The following TSPAN33 variants were observed in gnomAD, a reference collection of about 807,000 sequenced individuals.
TSPAN33 encodes tetraspanin 33.
In TSPAN33, 27 loss-of-function variants were observed where a neutral mutation model predicts 34.8. The ratio of observed to expected loss-of-function variants is 0.78; its 90% CI spans 0.57 to 1.07. The LOEUF is 1.07. TSPAN33 is among the 50% of genes least tolerant of loss of function. The pLI, the probability that TSPAN33 is intolerant of heterozygous loss-of-function variation, is 0.00. For synonymous variants in TSPAN33, 119 were observed against 124.2 expected (o/e 0.96, Z 0.28); for missense variants, 272 against 324.9 (o/e 0.84, Z 1.25).
intron 1 of TSPAN33, among the ~76,000 whole-genome samples, chr7:129,147,490 A>T (rs1236439991): frequency 2.6e-5 from 4 of 152,182 alleles, no homozygotes; most frequent in Non-Finnish European, 4.4e-5. Context: ...TTCATACAAG[A>T]GCAGCTGGAG....
intron 1 of TSPAN33, 45 bp downstream of exon 1, chr7:129,145,127 C>A (rs1810501227): frequency 3.1e-6 from 2 of 643,860 alleles, no homozygotes; most frequent in African/African-American, 1.9e-5. Flanking sequence ...GGTCCCCCCG[C>A]GGGGTGGAAG....
At chr7:129,160,302 G>A (rs1002676612) in intron 1 of TSPAN33, among the ~76,000 whole-genome samples, 2 of 152,182 alleles carry the variant, frequency 1.3e-5, no homozygotes, top group African/African-American at 4.8e-5. Context: ...TTGCAGGACA[G>A]TGGTGTCTAG....
In TSPAN33 at chr7:129,167,512, C is replaced by T; in HGVS notation, c.702C>T (p.Ser234=). The T allele has an allele frequency of 6.2e-7, 1 of 1,614,216 alleles. No individual in the cohort carries two copies. Among genetic ancestry groups the T allele is most frequent in the Non-Finnish European group, 8.5e-7 (1 of 1,180,034 alleles). ...ACAAGTTGGTCAACTGGATACACAG[C>T]AACCTATTCTTACTTGGTGGTGTGG... The part of the protein sequence containing the change: ...CIDKLVNWIH[S]NLFLLGGVAL... The change falls in exon 7 of 8, where the codon AGC becomes AGT. Residue 234 remains serine (S), a synonymous_variant. Transcript: ENST00000486685. The surrounding 1 kb of genome is among the most constrained non-coding windows in gnomAD (Gnocchi z 4.6).
chr7:129,161,564 T>C, intron 1 of TSPAN33, 115 bp from the exon 2 acceptor site: 1 of 955,260 alleles, frequency 1.0e-6, no homozygotes, highest in Admixed American at 1.9e-5. Context: ...TGAAAGATGC[T>C]CACCTTTGGG....
At chr7:129,162,986 T>A in intron 4 of TSPAN33, 79 bp downstream of exon 4, 1 of 1,380,570 alleles carries the variant, frequency 7.2e-7, no homozygotes. Context: ...TTTAGCCTGG[T>A]TAATTAACCA....
In TSPAN33 at chr7:129,167,427, G is replaced by T. The variant is rs540370074; in HGVS notation, c.617G>T (p.Gly206Val). ...QAVINTMCGQ[G>V]MQAFDYLEAS... ...GTGATCAACACTATGTGTGGCCAAG[G>T]TATGCAGGCCTTTGACTACTTGGAA... Residue 206 changes from glycine to valine, a missense_variant, in exon 7 of 8, where the codon GGT becomes GTT. Physicochemically the swap from Gly to Val is moderately radical, Grantham distance 109. Coordinates refer to ENST00000486685, the MANE Select transcript of TSPAN33 (RefSeq NM_178562.5). This position sits in a 1 kb window ranked among gnomAD's most constrained non-coding sequence, Gnocchi z 4.6. 1 of 1,614,102 alleles carries T rather than the reference G, an allele frequency of 6.2e-7. No individual in the cohort carries two copies. The highest frequency in any genetic ancestry group is 1.3e-5 in the African/African-American group (1 of 75,044).
In TSPAN33 at chr7:129,161,742, C is replaced by T. The variant is rs765305189; in HGVS notation, c.160+6C>T. 6.2e-7 allele frequency: 1 copy of T among 1,614,090 alleles called. No individual in the cohort carries two copies. Among genetic ancestry groups the T allele is most frequent in the East Asian group, 2.2e-5 (1 of 44,878 alleles). ...TCGGCTAATGAAGCATGCAGGTGAG[C>T]TGTAGCTCTCCCTCCCTGCCCCCAC... On this transcript the variant is annotated splice_donor_region_variant and intron_variant, in intron 2 of 7. Coordinates refer to ENST00000486685, the MANE Select transcript of TSPAN33 (RefSeq NM_178562.5).
chr7:129,149,803 C>T (rs1183052586), intron 1 of TSPAN33, among the ~76,000 whole-genome samples: 1 of 152,210 alleles, frequency 6.6e-6, no homozygotes, highest in Non-Finnish European at 1.5e-5. Flanking sequence ...GACAGTGTCC[C>T]CCAATCCAGA....
chr7:129,147,290 A>G (rs1047629442), intron 1 of TSPAN33, among the ~76,000 whole-genome samples: 15 of 152,164 alleles, frequency 9.9e-5, no homozygotes, highest in African/African-American at 3.1e-4. Flanking sequence ...CTAAAGGAGA[A>G]ACAATTTCTG....
rs111252849 is a variant in TSPAN33 at position 129,161,652 on chromosome 7, G to A, written c.103-27G>A. The A allele has an allele frequency of 5.6e-6, 9 of 1,612,768 alleles. No homozygotes were observed. In the African/African-American group the frequency reaches 9.3e-5, roughly 17 times the overall value. ...GGCTCTCTGGTTTCCAGAATCTCAG[G>A]GTCTGGCTCTTTTCCTGTCTCCACA... On this transcript the variant is annotated intron_variant, in intron 1 of 7. Coordinates refer to ENST00000486685, the MANE Select transcript of TSPAN33 (RefSeq NM_178562.5).
At chr7:129,161,461 G>C (rs538458381) in intron 1 of TSPAN33, among the ~76,000 whole-genome samples, 2 of 152,308 alleles carry the variant, frequency 1.3e-5, no homozygotes, top group African/African-American at 4.8e-5. Flanking sequence ...TGTGTTACGA[G>C]CACTGAATGA....
intron 1 of TSPAN33, among the ~76,000 whole-genome samples, chr7:129,150,459 G>GA (rs1257526952): frequency 1.3e-5 from 2 of 152,208 alleles, no homozygotes; most frequent in Non-Finnish European, 2.9e-5. Flanking sequence ...CATGATGGCT[G>GA]ATGTGAATAG....
chr7:129,154,223 G>A (rs1810638088), intron 1 of TSPAN33, among the ~76,000 whole-genome samples: 1 of 152,090 alleles, frequency 6.6e-6, no homozygotes, highest in African/African-American at 2.4e-5. Context: ...TCAGGAGGCT[G>A]AGGCAGGAGA....
At chr7:129,155,813 C>T (rs773952954) in intron 1 of TSPAN33, among the ~76,000 whole-genome samples, 105 of 152,114 alleles carry the variant, frequency 6.9e-4, no homozygotes, top group Non-Finnish European at 1.1e-3. Context: ...CCTCAACCTC[C>T]TGGGGTCAAG....
chr7:129,153,210 G>C (rs923186891), intron 1 of TSPAN33, among the ~76,000 whole-genome samples: 1 of 152,128 alleles, frequency 6.6e-6, no homozygotes, highest in Non-Finnish European at 1.5e-5. Context: ...CAGATTTGTG[G>C]TTACCAGGGG....
intron 1 of TSPAN33, among the ~76,000 whole-genome samples, chr7:129,154,795 G>A (rs1810645952): frequency 6.6e-6 from 1 of 152,168 alleles, no homozygotes; most frequent in Non-Finnish European, 1.5e-5. Flanking sequence ...GGAGGTAATA[G>A]ACTATTTTTC....
Position 129,165,764 on chromosome 7 carries a change from G to T in TSPAN33, c.460-1014G>T, listed in dbSNP as rs1316793328. ...GTTTCCACCAAAAATACAAAAATTA[G>T]CCGGGTTTGGTGGCGCACACCTGTA... On this transcript the variant is annotated intron_variant, in intron 5 of 7. Coordinates refer to ENST00000486685, the MANE Select transcript of TSPAN33 (RefSeq NM_178562.5). This position sits in a 1 kb window ranked among gnomAD's most constrained non-coding sequence, Gnocchi z 4.5. 6.6e-6 allele frequency among the ~76,000 whole-genome samples: 1 copy of T among 152,030 alleles called. No homozygotes were observed. Among genetic ancestry groups the T allele is most frequent in the Non-Finnish European group, 1.5e-5 (1 of 68,014 alleles).
chr7:129,162,729 G>A, intron 3 of TSPAN33, 104 bp from the exon 4 acceptor site: 7 of 1,448,114 alleles, frequency 4.8e-6, no homozygotes, highest in Non-Finnish European at 6.6e-6. Flanking sequence ...TCATGTGTGG[G>A]GCATCTGGGA....
rs1793124896 is a variant in TSPAN33, at chr7:129,165,519, T to C, written c.459+950T>C. 2.0e-5 allele frequency among the ~76,000 whole-genome samples: 3 copies of C among 152,260 alleles called. No homozygotes were observed. Among genetic ancestry groups the C allele is most frequent in the South Asian group, 4.1e-4 (2 of 4,836 alleles). On this transcript the variant is annotated intron_variant, in intron 5 of 7. Coordinates refer to ENST00000486685, the MANE Select transcript of TSPAN33 (RefSeq NM_178562.5). This position sits in a 1 kb window ranked among gnomAD's most constrained non-coding sequence, Gnocchi z 4.5. ...GAAGGCTGAATAATATTCTGTTGTA[T>C]GTATATGCCACATTTTGTTTATCCA...
Sources: allele counts gnomAD v4.1 joint callset (sites outside exome capture counted in the v4.1 genomes callset), GRCh38; gene constraint gnomAD v4.1.1; non-coding constraint Gnocchi (gnomAD v3.1); transcripts MANE v1.5; gene names NCBI Gene and HGNC (gene_info 2026-07-23, HGNC 2026-07-21).